PTK2: variants seen among roughly 807,000 people sequenced by gnomAD.
The protein encoded by PTK2 is protein tyrosine kinase 2.
In PTK2, 45 loss-of-function variants were observed where a neutral mutation model predicts 150.1. That is an observed-to-expected ratio of 0.30 (90% CI 0.24 to 0.38). PTK2 has a LOEUF of 0.38. PTK2 is among the 10% of genes least tolerant of loss of function. The probability of loss-of-function intolerance (pLI) is 1.00; values close to 1 mark genes in which losing one functional copy is unlikely to be tolerated. For synonymous variants in PTK2, 432 were observed against 449.2 expected, an observed-to-expected ratio of 0.96 and a Z score of 0.48; for missense variants, 919 against 1,307.3, an observed-to-expected ratio of 0.70 and a Z score of 4.58.
chr8:140,800,019 C>A (rs1361423488), intron 12 of PTK2, among the ~76,000 whole-genome samples: 1 of 152,122 alleles, frequency 6.6e-6, no homozygotes, highest in African/African-American at 2.4e-5. Flanking sequence ...TTTTTAACAT[C>A]ATGACTTAGA....
At chr8:140,846,343 C>T (rs765611505) in intron 6 of PTK2, 21 bp from the exon 7 acceptor site, 7 of 1,603,964 alleles carry the variant, frequency 4.4e-6, no homozygotes, top group African/African-American at 2.7e-5. Flanking sequence ...GGAAGACATA[C>T]ATTTATATGT....
intron 26 of PTK2, among the ~76,000 whole-genome samples, chr8:140,696,143 C>G (rs1435308236): frequency 6.6e-6 from 1 of 152,132 alleles, no homozygotes; most frequent in Non-Finnish European, 1.5e-5. Flanking sequence ...TACTGCTGAA[C>G]AAACGGTACG....
chr8:140,967,248 T>C (rs1300988006), intron 1 of PTK2, among the ~76,000 whole-genome samples: 3 of 152,308 alleles, frequency 2.0e-5, no homozygotes, highest in Non-Finnish European at 2.9e-5. Context: ...CACGTAATAT[T>C]GTTAAAACAA....
At chr8:140,693,204 T>C (rs1357072183) in intron 26 of PTK2, among the ~76,000 whole-genome samples, 4 of 152,216 alleles carry the variant, frequency 2.6e-5, no homozygotes, top group Admixed American at 2.0e-4. Context: ...TTTCAGAGTA[T>C]ATTTGCAGGC....
chr8:140,688,354 T>G (rs1179627939), intron 26 of PTK2, among the ~76,000 whole-genome samples: 5 of 152,128 alleles, frequency 3.3e-5, no homozygotes, highest in Admixed American at 6.6e-5. Context: ...AAAAAACATG[T>G]TCCCTTTCAC....
At chr8:140,961,880 C>T (rs922550358) in intron 1 of PTK2, among the ~76,000 whole-genome samples, 45 of 152,006 alleles carry the variant, frequency 3.0e-4, no homozygotes, top group African/African-American at 1.0e-3. Context: ...TCCCTTCAAC[C>T]ATACAACCCA....
At chr8:140,829,139 G>C (rs1362824819) in intron 8 of PTK2, among the ~76,000 whole-genome samples, 1 of 152,204 alleles carries the variant, frequency 6.6e-6, no homozygotes, top group Non-Finnish European at 1.5e-5. Context: ...TAGAAAGAGA[G>C]CCTGAAATAA....
chr8:140,901,207 T>C (rs1568476641), intron 2 of PTK2, among the ~76,000 whole-genome samples: 1 of 150,968 alleles, frequency 6.6e-6, no homozygotes, highest in African/African-American at 2.4e-5. Context: ...TGGATAACTG[T>C]ATGCAGGAGA....
rs73369942 is a variant in PTK2, at chr8:140,712,888, C to T, written c.2142+4710G>A. Among the ~76,000 whole-genome samples, 637 of 152,314 alleles carry T rather than the reference C, an allele frequency of 4.2e-3. 9 individuals are homozygous for T. Among genetic ancestry groups the T allele is most frequent in the African/African-American group, 0.015 (604 of 41,564 alleles). On this transcript the variant is annotated intron_variant, in intron 23 of 31. Coordinates refer to ENST00000522684, the Ensembl canonical transcript of PTK2. ...GTTTTCTTCAAAGTCACAGCCTCAC[C>T]TCTTTCTCTTTTGAGAAAATGTCTA...
At chr8:140,671,869 T>G (rs2095530146) in intron 29 of PTK2, among the ~76,000 whole-genome samples, 1 of 144,938 alleles carries the variant, frequency 6.9e-6, no homozygotes, top group Non-Finnish European at 1.5e-5. Flanking sequence ...GAGGCGGAGC[T>G]TGCAGTGAGC....
At chr8:140,701,151 G>T in intron 25 of PTK2, 129 bp from the exon 29 acceptor site, 3 of 1,054,194 alleles carry the variant, frequency 2.8e-6, no homozygotes, top group Non-Finnish European at 1.3e-6. Flanking sequence ...CTCTCATACT[G>T]TGCTTGTGGG....
intron 16 of PTK2, 71 bp from the exon 20 acceptor site, chr8:140,752,387 CCTGT>C: frequency 7.0e-7 from 1 of 1,430,244 alleles, no homozygotes; most frequent in Non-Finnish European, 9.8e-7. Flanking sequence ...TTCATGAAAA[CCTGT>C]CTGTTTTGCA....
chr8:140,759,025 A>G (rs1292365321), intron 16 of PTK2, among the ~76,000 whole-genome samples: 1 of 152,220 alleles, frequency 6.6e-6, no homozygotes, highest in South Asian at 2.1e-4. Flanking sequence ...AGGCTATATT[A>G]TATAGCCTAG....
intron 27 of PTK2, among the ~76,000 whole-genome samples, chr8:140,681,037 G>A (rs1016076130): frequency 6.6e-6 from 1 of 152,282 alleles, no homozygotes; most frequent in Non-Finnish European, 1.5e-5. Context: ...ATGGAAATTT[G>A]GCGTTGGTTT....
intron 2 of PTK2, among the ~76,000 whole-genome samples, chr8:140,891,373 T>C (rs185344333): frequency 6.6e-6 from 1 of 152,102 alleles, no homozygotes; most frequent in East Asian, 1.9e-4. Context: ...CTATTTGAGT[T>C]TGAAGAAATA....
chr8:140,810,945 G>A (rs931716428), intron 10 of PTK2, among the ~76,000 whole-genome samples: 8 of 152,272 alleles, frequency 5.3e-5, no homozygotes, highest in Middle Eastern at 3.4e-3. Context: ...CTGCACAGTT[G>A]CCAACAGGCA....
chr8:140,804,562 C>T (rs1009602462), intron 10 of PTK2, among the ~76,000 whole-genome samples: 2 of 152,118 alleles, frequency 1.3e-5, no homozygotes, highest in African/African-American at 4.8e-5. Context: ...ATAAAAGATA[C>T]ATGAATCTTC....
chr8:140,817,528 T>C lies in PTK2; in HGVS notation c.867+749A>G, dbSNP rs1193679409. ...CATGTTCCCTGAACACTCATCTAAA[T>C]GGGAGCATGCCCTTCTCAGTACACC... On this transcript the variant is annotated intron_variant, in intron 10 of 31. Transcript: ENST00000522684. Among the ~76,000 whole-genome samples the C allele has an allele frequency of 5.3e-5, 8 of 152,326 alleles. No homozygotes were observed. The East Asian group carries it at 1.2e-3, about 22-fold the overall frequency.
chr8:140,758,685 T>C (rs1328037144), intron 16 of PTK2, among the ~76,000 whole-genome samples: 1 of 152,190 alleles, frequency 6.6e-6, no homozygotes, highest in East Asian at 1.9e-4. Flanking sequence ...AAAAGGTTCA[T>C]GATGTAAAAA....
Sources: gnomAD v4.1 joint callset for allele counts (sites outside exome capture counted in the v4.1 genomes callset) on GRCh38, gnomAD v4.1.1 for gene constraint, MANE v1.5 for transcripts, NCBI Gene and HGNC (gene_info 2026-07-23, HGNC 2026-07-21) for gene names.